CNTN4: variants seen among roughly 807,000 people sequenced by gnomAD.
CNTN4 encodes contactin 4.
A neutral mutation model predicts 122.5 loss-of-function variants in CNTN4; 77 were observed. The observed-to-expected ratio is 0.63, with a 90% confidence interval of 0.52 to 0.76. The LOEUF (loss-of-function observed/expected upper bound fraction) is 0.76, where lower values mean the gene tolerates loss of function less well. Ranked by LOEUF, CNTN4 falls within the 30% of genes least tolerant of loss-of-function variation. CNTN4 has a pLI of 0.00. For synonymous variants in CNTN4, 512 were observed against 447.0 expected (o/e 1.15, Z -1.83); for missense variants, 1,256 against 1,259.1 (o/e 1.00, Z 0.04).
At chr3:2,474,792 G>T (rs1372772709) in intron 3 of CNTN4, among the ~76,000 whole-genome samples, 1 of 152,054 alleles carries the variant, frequency 6.6e-6, no homozygotes, top group African/African-American at 2.4e-5. Flanking sequence ...TTTTCCACTT[G>T]AATCCATATC....
intron 12 of CNTN4, among the ~76,000 whole-genome samples, chr3:2,910,998 T>TC (rs1177149179): frequency 2.6e-5 from 4 of 152,062 alleles, no homozygotes; most frequent in African/African-American, 9.7e-5. Context: ...CACCTCCCAC[T>TC]CCCCACAGCG....
rs71058629 is a variant in CNTN4 at position 2,591,352 on chromosome 3, CTTTTTTTTTTTTTTT to C, written c.55+19810_55+19824del. 2.9e-3 allele frequency among the ~76,000 whole-genome samples: 107 copies of C among 36,396 alleles called. 22 individuals are homozygous for C. The highest frequency in any genetic ancestry group is 9.8e-3 in the African/African-American group (101 of 10,296). 23.9% of individuals were successfully genotyped at this position (36,396 alleles called of 152,430 possible). On this transcript the variant is annotated intron_variant, in intron 4 of 24. Coordinates refer to ENST00000418658, the MANE Select transcript of CNTN4 (RefSeq NM_175607.3). ...CTTTGAAGAACTAGTAGATTTGTGA[CTTTTTTTTTTTTTTT>C]TTTTTTTTTTTTTTTGAGACGGAGT...
chr3:2,983,083 G>A (rs929730855), intron 13 of CNTN4, among the ~76,000 whole-genome samples: 4 of 151,106 alleles, frequency 2.6e-5, no homozygotes, highest in Non-Finnish European at 5.9e-5. Context: ...GCATGGTGGC[G>A]GGTGCCTGTA....
At chr3:2,944,248 A>G (rs1400534826) in intron 13 of CNTN4, among the ~76,000 whole-genome samples, 3 of 152,056 alleles carry the variant, frequency 2.0e-5, no homozygotes, top group Non-Finnish European at 4.4e-5. Flanking sequence ...TAAATTTTAT[A>G]TTAACAGCAA....
intron 4 of CNTN4, among the ~76,000 whole-genome samples, chr3:2,696,740 ATGCTTCAT>A (rs1317916627): frequency 2.6e-5 from 4 of 152,216 alleles, no homozygotes; most frequent in African/African-American, 7.2e-5. Flanking sequence ...CCATTTGAGG[ATGCTTCAT>A]TGCTTCTCTG....
intron 2 of CNTN4, among the ~76,000 whole-genome samples, chr3:2,117,121 C>T (rs909623758): frequency 6.6e-6 from 1 of 152,180 alleles, no homozygotes; most frequent in Admixed American, 6.5e-5. Flanking sequence ...TCCCCTACTC[C>T]CAATGCCACA....
chr3:2,258,017 C>T (rs999591472), intron 2 of CNTN4, among the ~76,000 whole-genome samples: 27 of 152,212 alleles, frequency 1.8e-4, no homozygotes, highest in South Asian at 1.5e-3. Context: ...GAGCTGAGAT[C>T]GCACCATTGC....
intron 3 of CNTN4, among the ~76,000 whole-genome samples, chr3:2,353,962 T>G (rs1263492656): frequency 6.6e-6 from 1 of 152,152 alleles, no homozygotes; most frequent in Non-Finnish European, 1.5e-5. Context: ...TTGATGACAA[T>G]GATGACAGCT....
intron 2 of CNTN4, among the ~76,000 whole-genome samples, chr3:2,322,805 A>C (rs1288725535): frequency 1.3e-5 from 2 of 152,194 alleles, no homozygotes; most frequent in African/African-American, 2.4e-5. Flanking sequence ...TTTTTCTTTT[A>C]TTGAGCAACT....
intron 4 of CNTN4, among the ~76,000 whole-genome samples, chr3:2,710,526 T>A (rs569017317): frequency 2.9e-4 from 44 of 152,290 alleles, no homozygotes; most frequent in African/African-American, 1.0e-3. Flanking sequence ...GGAAACTAAT[T>A]TTTTTTGTTA....
At chr3:2,565,311 C>T (rs1438000473) in intron 3 of CNTN4, among the ~76,000 whole-genome samples, 1 of 152,104 alleles carries the variant, frequency 6.6e-6, no homozygotes, top group Admixed American at 6.5e-5. Context: ...CACATATTTT[C>T]TCATCATTCC....
chr3:2,220,556 G>A (rs1243971826), intron 2 of CNTN4, among the ~76,000 whole-genome samples: 1 of 152,048 alleles, frequency 6.6e-6, no homozygotes, highest in Non-Finnish European at 1.5e-5. Flanking sequence ...GGAAACTACC[G>A]ACTTTCAGTT....
intron 2 of CNTN4, among the ~76,000 whole-genome samples, chr3:2,251,356 A>T (rs907075556): frequency 6.6e-6 from 1 of 151,918 alleles, no homozygotes; most frequent in Non-Finnish European, 1.5e-5. Context: ...AGGAAGATCT[A>T]CTTAGAGCTG....
intron 14 of CNTN4, 95 bp downstream of exon 14, chr3:2,988,567 A>G (rs1294366024): frequency 1.6e-6 from 2 of 1,255,054 alleles, no homozygotes; most frequent in Non-Finnish European, 2.3e-6. Context: ...ATTAATATGT[A>G]CAGATACCAC....
chr3:2,615,081 T>C (rs569639716), intron 4 of CNTN4, among the ~76,000 whole-genome samples: 2 of 152,280 alleles, frequency 1.3e-5, no homozygotes, highest in Admixed American at 6.5e-5. Context: ...TTTTATGTTA[T>C]TAGCTTTGGC....
chr3:2,568,633 A>G (rs1390451622), intron 3 of CNTN4, among the ~76,000 whole-genome samples: 1 of 152,184 alleles, frequency 6.6e-6, no homozygotes, highest in Non-Finnish European at 1.5e-5. Context: ...ATCCTGCACC[A>G]GAGTCCCACG....
At chr3:2,153,098 G>A (rs1442921619) in intron 2 of CNTN4, among the ~76,000 whole-genome samples, 1 of 152,226 alleles carries the variant, frequency 6.6e-6, no homozygotes, top group African/African-American at 2.4e-5. Flanking sequence ...CAATAGCTCA[G>A]TAATAGAGAA....
intron 2 of CNTN4, among the ~76,000 whole-genome samples, chr3:2,334,318 T>A (rs1439168597): frequency 6.6e-6 from 1 of 152,046 alleles, no homozygotes; most frequent in Non-Finnish European, 1.5e-5. Flanking sequence ...CTACCACATC[T>A]AGCTAATTTT....
At chr3:2,932,501 G>C (rs1226976688) in intron 13 of CNTN4, among the ~76,000 whole-genome samples, 1 of 152,182 alleles carries the variant, frequency 6.6e-6, no homozygotes, top group African/African-American at 2.4e-5. Context: ...ACTCATTCTG[G>C]AGGCTCTAGG....
Sources: gnomAD v4.1 joint callset for allele counts (sites outside exome capture counted in the v4.1 genomes callset) on GRCh38, gnomAD v4.1.1 for gene constraint, MANE v1.5 for transcripts, NCBI Gene and HGNC (gene_info 2026-07-23, HGNC 2026-07-21) for gene names.